Variants in MVK observed in about 807,000 individuals in gnomAD.
MVK encodes LH receptor mRNA-binding protein.
In MVK, 34 loss-of-function variants were observed where a neutral mutation model predicts 43.2. The observed-to-expected ratio is 0.79, with a 90% CI of 0.60 to 1.05. MVK has a LOEUF of 1.05. Ranked by LOEUF, MVK falls within the 50% of genes least tolerant of loss-of-function variation. The probability of loss-of-function intolerance (pLI) is 0.00; values close to 1 mark genes in which losing one functional copy is unlikely to be tolerated. For missense variants in MVK, 395 were observed against 504.0 expected (o/e 0.78, Z 2.07); for synonymous variants, 190 against 219.8 (o/e 0.86, Z 1.20).
Position 109,591,260 on chromosome 12 carries a change from C to T in MVK, c.788C>T (p.Pro263Leu). 3.1e-6 allele frequency: 5 copies of T among 1,614,244 alleles called. No individual in the cohort carries two copies. The highest frequency in any genetic ancestry group is 4.2e-6 in the Non-Finnish European group (5 of 1,180,048). ...CTCCAGTTCCCAGAGATCGTGGCCC[C>T]CCTCCTGACCTCAATAGATGCCATC... ...RLLKFPEIVAPLLTSIDAISL... is the reference protein window; with the variant it reads ...RLLKFPEIVALLLTSIDAISL... The change falls in exon 9 of 11, where the codon CCC (proline) becomes CTC (leucine). Residue 263 changes from proline (P) to leucine (L), a missense_variant. Physicochemically the swap from Pro to Leu is moderately conservative, Grantham distance 98 (BLOSUM62 -3). Coordinates refer to ENST00000228510, the MANE Select transcript of MVK (RefSeq NM_000431.4).
At chr12:109,575,224 TA>T (rs1229099629) in intron 2 of MVK, among the ~76,000 whole-genome samples, 1 of 152,178 alleles carries the variant, frequency 6.6e-6, no homozygotes, top group Middle Eastern at 3.2e-3. Flanking sequence ...AAGGATGATC[TA>T]GCAAAGGAGT....
chr12:109,595,318 C>T lies in MVK; in HGVS notation c.1039+137C>T. ...GTGTGGCCTTGGGCAAGTTAGTTAA[C>T]CTCTGGTCTTTGCTTCCTCATTGGT... On this transcript the variant is annotated intron_variant, in intron 10 of 10. Transcript: ENST00000228510. This position sits in a 1 kb window ranked among gnomAD's most constrained non-coding sequence, Gnocchi z 5.9. The T allele has an allele frequency of 9.1e-7, 1 of 1,097,246 alleles. No individual in the cohort carries two copies. Among genetic ancestry groups the T allele is most frequent in the Non-Finnish European group, 1.3e-6 (1 of 779,306 alleles). The allele number at this position is 1,097,246 out of a possible 1,614,324, so 68.0% of individuals were successfully genotyped here. A position where few individuals can be genotyped will look rare whatever the true frequency, so the allele number is the denominator to read the frequency against.
chr12:109,597,153 C>T lies in MVK; in HGVS notation c.*576C>T, dbSNP rs569900760. ...GCTCCCCCAGGGGCTGTCCCGGAGG[C>T]GGTGGGCCTGGTTAAATAAGGCAGG... On this transcript the variant is annotated 3_prime_UTR_variant, in exon 11 of 11. Transcript: ENST00000228510. 2.8e-5 allele frequency: 5 copies of T among 179,314 alleles called. No homozygotes were observed. The highest frequency in any genetic ancestry group is 1.1e-4 in the Admixed American group (2 of 18,694). 11.1% of individuals were successfully genotyped at this position (179,314 alleles called of 1,614,324 possible). A position where few individuals can be genotyped will look rare whatever the true frequency, so the allele number is the denominator to read the frequency against.
rs1593015412 is a variant in MVK, at chr12:109,579,802, A to G, written c.227A>G (p.Glu76Gly). The G allele has an allele frequency of 6.2e-7, 1 of 1,614,128 alleles. No individual in the cohort carries two copies. The highest frequency in any genetic ancestry group is 8.5e-7 in the Non-Finnish European group (1 of 1,180,042). ...RLQSLDTSFL[E>G]QGDVTTPTSE... Reference sequence around the variant, plus strand: ...GTTTGCTTGTTTGCCTGTGGAACAGAGCAAGGTGATGTCACAACACCCACC... The same window carrying G: ...GTTTGCTTGTTTGCCTGTGGAACAGGGCAAGGTGATGTCACAACACCCACC... The change falls in exon 4 of 11, where the codon GAG (glutamate) becomes GGG (glycine). Residue 76 changes from glutamate to glycine, a missense_variant and splice_region_variant. Physicochemically the swap from Glu to Gly is moderately conservative, Grantham distance 98. Transcript: ENST00000228510.
chr12:109,597,630 T>TCTGGC lies in MVK; in HGVS notation c.*1055_*1059dup, dbSNP rs1199864463. 1.3e-5 allele frequency: 2 copies of TCTGGC among 152,314 alleles called. No homozygotes were observed. Among genetic ancestry groups the TCTGGC allele is most frequent in the African/African-American group, 4.8e-5 (2 of 41,434 alleles). The allele number at this position is 152,314 out of a possible 1,614,324, so 9.4% of individuals were successfully genotyped here. A position where few individuals can be genotyped will look rare whatever the true frequency, so the allele number is the denominator to read the frequency against. ...GGATGGAGAAAACAGACTCAAATGT[T>TCTGGC]CTGGCCCGGGTGCCTGGCACTCCCC... On this transcript the variant is annotated 3_prime_UTR_variant, in exon 11 of 11. Transcript: ENST00000228510.
At chr12:109,593,482 T>C (rs1219645160) in intron 9 of MVK, among the ~76,000 whole-genome samples, 1 of 142,544 alleles carries the variant, frequency 7.0e-6, no homozygotes, top group Non-Finnish European at 1.6e-5. Flanking sequence ...CAGGGGGTGC[T>C]CTCAGAGGCA....
intron 6 of MVK, 55 bp from the exon 7 acceptor site, chr12:109,586,699 A>G (rs1197275849): frequency 1.3e-6 from 2 of 1,599,860 alleles, no homozygotes; most frequent in Non-Finnish European, 1.7e-6. Context: ...TCTCCCAAGT[A>G]GCACAGATAT....
chr12:109,582,687 TCAAATCTGAGCCCCCTAAAAAA>T (rs1885272315), intron 5 of MVK, among the ~76,000 whole-genome samples: 1 of 132,942 alleles, frequency 7.5e-6, no homozygotes, highest in Non-Finnish European at 1.5e-5. Flanking sequence ...CTTTGAAGAC[TCAAATCTGAGCCCCCTAAAAAA>T]CAAACTGTGT....
At chr12:109,579,202 C>T (rs1010286199) in intron 3 of MVK, 7 of 441,736 alleles carry the variant, frequency 1.6e-5, no homozygotes, top group Non-Finnish European at 2.3e-5. Flanking sequence ...TACAGTGGTG[C>T]GACCACAGCT....
intron 9 of MVK, among the ~76,000 whole-genome samples, chr12:109,592,313 T>C (rs1885722733): frequency 6.6e-6 from 1 of 152,208 alleles, no homozygotes; most frequent in Non-Finnish European, 1.5e-5. Flanking sequence ...AGGCTCCCCC[T>C]GGACACAGTC....
chr12:109,590,587 G>T, intron 7 of MVK, 184 bp from the exon 8 acceptor site: 1 of 657,238 alleles, frequency 1.5e-6, no homozygotes, highest in Non-Finnish European at 2.8e-6. Flanking sequence ...CCCAACCAGT[G>T]CCTGGGATGG....
At chr12:109,582,239 G>C (rs757244487) in intron 5 of MVK, among the ~76,000 whole-genome samples, 2 of 152,210 alleles carry the variant, frequency 1.3e-5, no homozygotes, top group Non-Finnish European at 2.9e-5. Context: ...TTGTGGATGA[G>C]GCCCCCAAAT....
At chr12:109,573,616 A>C (rs1312332031), upstream of MVK, 9 of 1,018,466 alleles carry the variant, frequency 8.8e-6, no homozygotes, top group East Asian at 1.8e-4. Context: ...AGGGCGGGAC[A>C]CTCCCAGGGA....
In MVK at chr12:109,587,023, G is replaced by A. The variant is rs1448727993; in HGVS notation, c.677+224G>A. On this transcript the variant is annotated intron_variant, in intron 7 of 10. Coordinates refer to ENST00000228510, the MANE Select transcript of MVK (RefSeq NM_000431.4). ...CTTAAATTGCAGAGATATCAGAAAG[G>A]GAAAGTCATGCATGGCTGTGCCCGT... The A allele has an allele frequency of 8.7e-6, 5 of 573,364 alleles. No individual in the cohort carries two copies. The Admixed American group carries it at 1.4e-4, about 16-fold the overall frequency. The allele number at this position is 573,364 out of a possible 1,614,324, so 35.5% of individuals were successfully genotyped here.
At chr12:109,583,561 G>A (rs1185612381) in intron 5 of MVK, among the ~76,000 whole-genome samples, 5 of 152,176 alleles carry the variant, frequency 3.3e-5, no homozygotes, top group Non-Finnish European at 7.3e-5. Flanking sequence ...ATAAACACAC[G>A]TGTGCATGTG....
rs773869929 is a variant in MVK, at chr12:109,595,211, C to T, written c.1039+30C>T. 8.7e-6 allele frequency: 14 copies of T among 1,612,998 alleles called. No homozygotes were observed. Among genetic ancestry groups the T allele is most frequent in the Non-Finnish European group, 1.0e-5 (12 of 1,179,948 alleles). Reference sequence around the variant, plus strand: ...CCCGGGGGTAGGTGGGCCAGGCTGCCAGCCTGGGCTCCTAAGAGGGGTCCA... The same window carrying T: ...CCCGGGGGTAGGTGGGCCAGGCTGCTAGCCTGGGCTCCTAAGAGGGGTCCA... On this transcript the variant is annotated intron_variant, in intron 10 of 10. Coordinates refer to ENST00000228510, the MANE Select transcript of MVK (RefSeq NM_000431.4). This position sits in a 1 kb window ranked among gnomAD's most constrained non-coding sequence, Gnocchi z 5.9.
rs1317913781 is a variant in MVK, at chr12:109,591,251, T to C, written c.779T>C (p.Ile260Thr). ...TCTTTTTTTCTCCAGTTCCCAGAGA[T>C]CGTGGCCCCCCTCCTGACCTCAATA... Reference protein sequence around the residue: ...VRNRLLKFPEIVAPLLTSIDA... With the variant: ...VRNRLLKFPETVAPLLTSIDA... Residue 260 changes from isoleucine to threonine, a missense_variant, in exon 9 of 11, where the codon ATC becomes ACC. Coordinates refer to ENST00000228510, the MANE Select transcript of MVK (RefSeq NM_000431.4). 6.2e-7 allele frequency: 1 copy of C among 1,614,050 alleles called. No homozygotes were observed. The highest frequency in any genetic ancestry group is 8.5e-7 in the Non-Finnish European group (1 of 1,180,036).
chr12:109,592,715 G>A (rs568788173), intron 9 of MVK, among the ~76,000 whole-genome samples: 11 of 152,330 alleles, frequency 7.2e-5, no homozygotes, highest in African/African-American at 2.4e-4. Flanking sequence ...GTGAGTGGCC[G>A]AGCCAGGGGT....
chr12:109,593,629 G>A (rs985865829), intron 9 of MVK, among the ~76,000 whole-genome samples: 4 of 151,380 alleles, frequency 2.6e-5, no homozygotes, highest in Admixed American at 6.6e-5. Context: ...TGATGCTAAC[G>A]TACCCATAAA....
Sources: gnomAD v4.1 joint callset for allele counts (sites outside exome capture counted in the v4.1 genomes callset) on GRCh38, gnomAD v4.1.1 for gene constraint, Gnocchi (gnomAD v3.1) non-coding constraint, MANE v1.5 for transcripts, NCBI Gene and HGNC (gene_info 2026-07-23, HGNC 2026-07-21) for gene names.